Variants in NEGR1 observed in about 807,000 individuals in gnomAD.
The protein encoded by NEGR1 is IgLON family member 4.
NEGR1 carries 10 observed loss-of-function variants against 40.9 expected under a neutral mutation model. The ratio of observed to expected loss-of-function variants is 0.24; its 90% confidence interval spans 0.15 to 0.42. NEGR1 has a LOEUF of 0.42. Ranked by LOEUF, NEGR1 falls within the 10% of genes least tolerant of loss-of-function variation. NEGR1 has a pLI of 1.00. For missense variants in NEGR1, 352 were observed against 438.9 expected (o/e 0.80, Z 1.77); for synonymous variants, 185 against 166.8 (o/e 1.11, Z -0.84).
At chr1:71,679,818 T>C (rs1301592526) in intron 4 of NEGR1, among the ~76,000 whole-genome samples, 1 of 152,114 alleles carries the variant, frequency 6.6e-6, no homozygotes, top group East Asian at 1.9e-4. Flanking sequence ...GTAGATATTT[T>C]TATATGCCAC....
Position 71,977,962 on chromosome 1 carries a change from G to C in NEGR1, c.177-42651C>G, listed in dbSNP as rs560426668. 7.2e-5 allele frequency among the ~76,000 whole-genome samples: 11 copies of C among 152,174 alleles called. No individual in the cohort carries two copies. The East Asian group carries it at 2.1e-3, about 29-fold the overall frequency. On this transcript the variant is annotated intron_variant, in intron 1 of 6. Coordinates refer to ENST00000357731, the MANE Select transcript of NEGR1 (RefSeq NM_173808.3). Reference sequence around the variant, plus strand: ...TGCTAATGCTATTCCAAGTAAGATGGAACAAGTTTGAAGAATAAGTTATCA... The same window carrying C: ...TGCTAATGCTATTCCAAGTAAGATGCAACAAGTTTGAAGAATAAGTTATCA...
At chr1:71,833,296 T>C (rs893103357) in intron 2 of NEGR1, among the ~76,000 whole-genome samples, 3 of 152,060 alleles carry the variant, frequency 2.0e-5, no homozygotes, top group African/African-American at 4.8e-5. Context: ...TGCTTTGCAA[T>C]AGTAAAATAG....
At chr1:72,220,374 C>T (rs1462065100) in intron 1 of NEGR1, among the ~76,000 whole-genome samples, 5 of 151,774 alleles carry the variant, frequency 3.3e-5, no homozygotes, top group East Asian at 1.9e-4. Flanking sequence ...CAGTAGTTAC[C>T]GGGGACCATA....
chr1:71,842,342 T>C (rs1659272382), intron 2 of NEGR1, among the ~76,000 whole-genome samples: 2 of 152,262 alleles, frequency 1.3e-5, no homozygotes, highest in South Asian at 4.1e-4. Context: ...TTTAGATTCA[T>C]CATGCTTAGA....
chr1:71,969,971 T>C (rs1456396523), intron 1 of NEGR1, among the ~76,000 whole-genome samples: 2 of 152,178 alleles, frequency 1.3e-5, no homozygotes, highest in African/African-American at 2.4e-5. Context: ...CATAGCTGTA[T>C]TGAAATTGCA....
rs536410781 is a variant in NEGR1 at position 72,013,304 on chromosome 1, G to C, written c.177-77993C>G. On this transcript the variant is annotated intron_variant, in intron 1 of 6. Transcript: ENST00000357731. ...TGATAGATAATGACATTTCAGGGAG[G>C]GAAAACAATGACATTTGTGTTCTTC... Among the ~76,000 whole-genome samples the C allele has an allele frequency of 2.0e-5, 3 of 152,066 alleles. No individual in the cohort carries two copies. In the East Asian group the frequency reaches 5.8e-4, roughly 30 times the overall value.
At chr1:71,501,174 T>C (rs900737959) in intron 6 of NEGR1, among the ~76,000 whole-genome samples, 2 of 152,136 alleles carry the variant, frequency 1.3e-5, no homozygotes, top group Admixed American at 6.5e-5. Context: ...TGTGCACATA[T>C]ACATTTCTGT....
chr1:71,796,208 G>T (rs765159773), intron 2 of NEGR1, among the ~76,000 whole-genome samples: 1 of 152,098 alleles, frequency 6.6e-6, no homozygotes, highest in Non-Finnish European at 1.5e-5. Flanking sequence ...AGCCCTCTGT[G>T]TGTACTTTCC....
At chr1:71,930,687 T>C (rs1645847349) in intron 2 of NEGR1, among the ~76,000 whole-genome samples, 1 of 152,220 alleles carries the variant, frequency 6.6e-6, no homozygotes, top group Non-Finnish European at 1.5e-5. Context: ...TGTCATACTT[T>C]AGGATCTTTG....
intron 1 of NEGR1, among the ~76,000 whole-genome samples, chr1:72,091,504 C>T (rs1040270701): frequency 2.0e-5 from 3 of 150,036 alleles, no homozygotes; most frequent in Middle Eastern, 3.4e-3. Context: ...ATGAGCTTGA[C>T]GTCTTCAAGT....
At chr1:71,481,830 A>G (rs574782314) in intron 6 of NEGR1, among the ~76,000 whole-genome samples, 11 of 152,010 alleles carry the variant, frequency 7.2e-5, no homozygotes, top group African/African-American at 2.6e-4. Flanking sequence ...TGGTGCAGAA[A>G]TGCTTTTTAG....
At chr1:72,193,061 G>A (rs934572027) in intron 1 of NEGR1, among the ~76,000 whole-genome samples, 3 of 151,618 alleles carry the variant, frequency 2.0e-5, no homozygotes, top group Non-Finnish European at 3.0e-5. Context: ...TCACTAATTT[G>A]GGTTTTAAGT....
At chr1:72,074,499 C>A (rs557636831) in intron 1 of NEGR1, among the ~76,000 whole-genome samples, 32 of 151,976 alleles carry the variant, frequency 2.1e-4, no homozygotes, top group African/African-American at 7.5e-4. Context: ...GGCACTACAC[C>A]ATTTTTCCCT....
intron 6 of NEGR1, among the ~76,000 whole-genome samples, chr1:71,477,790 T>C (rs568796708): frequency 6.6e-6 from 1 of 152,148 alleles, no homozygotes; most frequent in South Asian, 2.1e-4. Flanking sequence ...TTATAGTTGT[T>C]TTCTGTGTAC....
intron 2 of NEGR1, among the ~76,000 whole-genome samples, chr1:71,829,956 AT>A (rs940857825): frequency 6.6e-6 from 1 of 151,750 alleles, no homozygotes; most frequent in East Asian, 1.9e-4. Flanking sequence ...CTCACTGGGA[AT>A]TTTTTTTCAG....
chr1:71,655,628 C>G (rs184166243), intron 4 of NEGR1, among the ~76,000 whole-genome samples: 1 of 152,194 alleles, frequency 6.6e-6, no homozygotes, highest in East Asian at 1.9e-4. Context: ...AGTGAAGCAC[C>G]AATTCTTGTT....
In NEGR1 at chr1:71,564,607, G is replaced by A. The variant is rs555387932; in HGVS notation, c.940+28210C>T. 1.0e-3 allele frequency among the ~76,000 whole-genome samples: 157 copies of A among 152,100 alleles called. 1 individual carries two copies. The highest frequency in any genetic ancestry group is 1.4e-3 in the Non-Finnish European group (92 of 67,972). The stretch of plus-strand genomic sequence containing the variant: ...TACAAAGATGTGCTCTATACAGTAA[G>A]AAAACATCAAAAATTTAATCGCAAT... On this transcript the variant is annotated intron_variant, in intron 6 of 6. Transcript: ENST00000357731.
intron 4 of NEGR1, among the ~76,000 whole-genome samples, chr1:71,646,454 A>T (rs889381672): frequency 6.6e-6 from 1 of 151,784 alleles, no homozygotes; most frequent in Non-Finnish European, 1.5e-5. Context: ...AATATCAAGA[A>T]ATTAATTGAT....
Position 72,110,481 on chromosome 1 carries a change from A to G in NEGR1, c.176+171838T>C, listed in dbSNP as rs980737558. Among the ~76,000 whole-genome samples the G allele has an allele frequency of 2.0e-5, 3 of 151,614 alleles. No homozygotes were observed. In the Admixed American group the frequency reaches 2.0e-4, roughly 10 times the overall value. ...TTTGCCTGTTTATTTTATGGTAGCC[A>G]TGGTAATTATCTGCTCTCTAAGGGA... On this transcript the variant is annotated intron_variant, in intron 1 of 6. Coordinates refer to ENST00000357731, the MANE Select transcript of NEGR1 (RefSeq NM_173808.3).
Sources: gnomAD v4.1 joint callset for allele counts (sites outside exome capture counted in the v4.1 genomes callset) on GRCh38, gnomAD v4.1.1 for gene constraint, MANE v1.5 for transcripts, NCBI Gene and HGNC (gene_info 2026-07-23, HGNC 2026-07-21) for gene names.